Variants in CDC42BPA observed in about 807,000 individuals in gnomAD.
CDC42BPA encodes the protein serine/threonine-protein kinase MRCK alpha.
A neutral mutation model predicts 223.5 loss-of-function variants in CDC42BPA; 80 were observed. The observed-to-expected ratio is 0.36, with a 90% CI of 0.30 to 0.43. CDC42BPA has a LOEUF of 0.43. Ranked by LOEUF, CDC42BPA falls within the 20% of genes least tolerant of loss-of-function variation. The pLI, the probability that CDC42BPA is intolerant of heterozygous loss-of-function variation, is 1.00. For synonymous variants in CDC42BPA, 694 were observed against 718.6 expected (o/e 0.97, Z 0.55); for missense variants, 1,743 against 2,099.9 (o/e 0.83, Z 3.32).
intron 1 of CDC42BPA, among the ~76,000 whole-genome samples, chr1:227,281,352 G>A (rs1264613712): frequency 3.3e-5 from 5 of 151,266 alleles, no homozygotes; most frequent in Non-Finnish European, 7.4e-5. Flanking sequence ...ACATGCCAGG[G>A]AAACTCCAAA....
rs554669214 is a variant in CDC42BPA at position 227,226,884 on chromosome 1, C to T, written c.271-13665G>A. 1.4e-4 allele frequency among the ~76,000 whole-genome samples: 21 copies of T among 151,944 alleles called. 1 individual carries two copies. The South Asian group carries it at 4.4e-3, about 32-fold the overall frequency. ...AGAATTCCTGAAATCTAAGGATGAA[C>T]AGAATAGGGTTAGATGGAGAGAAAA... On this transcript the variant is annotated intron_variant, in intron 2 of 36. Transcript: ENST00000366766.
intron 2 of CDC42BPA, among the ~76,000 whole-genome samples, chr1:227,236,043 T>A (rs1294364469): frequency 1.3e-5 from 2 of 152,192 alleles, no homozygotes; most frequent in Non-Finnish European, 2.9e-5. Context: ...ATCCTCTCTG[T>A]TCTTTTCTGT....
intron 24 of CDC42BPA, among the ~76,000 whole-genome samples, chr1:227,036,257 G>A (rs1213849942): frequency 6.6e-6 from 1 of 152,054 alleles, no homozygotes; most frequent in Non-Finnish European, 1.5e-5. Context: ...CCAGCAGAGA[G>A]GCAAGATGAC....
chr1:227,142,230 A>G (rs1659809626), intron 9 of CDC42BPA, among the ~76,000 whole-genome samples: 1 of 152,228 alleles, frequency 6.6e-6, no homozygotes, highest in South Asian at 2.1e-4. Flanking sequence ...GAAATGGCAT[A>G]CAAGGAGTGA....
At chr1:227,082,000 T>C (rs1412761481) in intron 16 of CDC42BPA, among the ~76,000 whole-genome samples, 2 of 152,096 alleles carry the variant, frequency 1.3e-5, no homozygotes, top group East Asian at 1.9e-4. Flanking sequence ...TGAATCATGA[T>C]ACCAATAAGA....
At chr1:227,131,686 CTGAAAGT>C (rs1418564398) in intron 10 of CDC42BPA, among the ~76,000 whole-genome samples, 3 of 152,106 alleles carry the variant, frequency 2.0e-5, no homozygotes, top group Non-Finnish European at 4.4e-5. Flanking sequence ...AAGTTTACAT[CTGAAAGT>C]TGAGGCTTAC....
At chr1:226,996,475 T>C (rs563128265) in intron 35 of CDC42BPA, among the ~76,000 whole-genome samples, 20 of 146,020 alleles carry the variant, frequency 1.4e-4, no homozygotes, top group African/African-American at 4.4e-4. Context: ...CTTGTCTGGT[T>C]GCCCTGGCCA....
chr1:227,009,402 GAA>G (rs1395031632), intron 34 of CDC42BPA, among the ~76,000 whole-genome samples: 1 of 151,852 alleles, frequency 6.6e-6, no homozygotes, highest in East Asian at 1.9e-4. Flanking sequence ...TCTTTTATAT[GAA>G]AAGTTATTAT....
intron 16 of CDC42BPA, among the ~76,000 whole-genome samples, chr1:227,089,718 C>T: frequency 6.7e-6 from 1 of 148,450 alleles, no homozygotes; most frequent in East Asian, 2.0e-4. Flanking sequence ...TAAGTATGTC[C>T]ATTTCTCATG....
intron 1 of CDC42BPA, among the ~76,000 whole-genome samples, chr1:227,311,808 T>C (rs1693589524): frequency 6.6e-6 from 1 of 152,122 alleles, no homozygotes; most frequent in African/African-American, 2.4e-5. Flanking sequence ...ATTCTCTGTC[T>C]CCCTCTCCCT....
At chr1:227,159,729 T>G (rs537229991) in intron 6 of CDC42BPA, among the ~76,000 whole-genome samples, 1 of 152,198 alleles carries the variant, frequency 6.6e-6, no homozygotes, top group African/African-American at 2.4e-5. Flanking sequence ...TATCACTATG[T>G]TGCTTAAGCT....
At position 227,213,189 on chromosome 1, in the gene CDC42BPA, T is replaced by C; in HGVS notation, c.301A>G (p.Lys101Glu). 6.4e-7 allele frequency: 1 copy of C among 1,570,182 alleles called. No homozygotes were observed. The highest frequency in any genetic ancestry group is 8.7e-7 in the Non-Finnish European group (1 of 1,147,560). Residue 101 changes from lysine to glutamate, a missense_variant, in exon 3 of 37, where the codon AAA (lysine) becomes GAA (glutamate). Coordinates refer to ENST00000366766, the MANE Select transcript of CDC42BPA (RefSeq NM_001394014.1). ...VAVVKLKNAD[K>E]VFAMKILNKW... ...TTCAATATTTTCATGGCAAACACTTTATCTGCATTTTTTAGTTTTACTACA... is the reference window on the plus strand; with the variant it reads ...TTCAATATTTTCATGGCAAACACTTCATCTGCATTTTTTAGTTTTACTACA...
At chr1:227,024,053 G>A (rs1667830779) in intron 31 of CDC42BPA, among the ~76,000 whole-genome samples, 1 of 151,976 alleles carries the variant, frequency 6.6e-6, no homozygotes, top group African/African-American at 2.4e-5. Context: ...GAATGAATAG[G>A]TCACAAAGAA....
chr1:227,297,940 A>ATG lies in CDC42BPA; in HGVS notation c.178+19063_178+19064dup, dbSNP rs151032239. 4.9e-3 allele frequency among the ~76,000 whole-genome samples: 430 copies of ATG among 87,264 alleles called. 2 individuals are homozygous for ATG. The highest frequency in any genetic ancestry group is 0.01 in the East Asian group (36 of 3,436). 57.2% of individuals were successfully genotyped at this position (87,264 alleles called of 152,430 possible). On this transcript the variant is annotated intron_variant, in intron 1 of 36. Coordinates refer to ENST00000366766, the MANE Select transcript of CDC42BPA (RefSeq NM_001394014.1). Reference sequence around the variant, plus strand: ...GGGCTAAAATGGCAAATTTTGTTTTATGTGTGTGTGTGTGTATATATACAT... The same window carrying ATG: ...GGGCTAAAATGGCAAATTTTGTTTTATGTGTGTGTGTGTGTGTATATATACAT...
At chr1:227,197,216 T>C (rs1670903913) in intron 4 of CDC42BPA, among the ~76,000 whole-genome samples, 2 of 152,160 alleles carry the variant, frequency 1.3e-5, no homozygotes, top group Non-Finnish European at 2.9e-5. Flanking sequence ...AAAACAATTA[T>C]ATATAATAAA....
chr1:227,004,894 G>C (rs908591484), intron 35 of CDC42BPA, 100 bp downstream of exon 35: 9 of 836,520 alleles, frequency 1.1e-5, no homozygotes, highest in Non-Finnish European at 1.5e-5. Context: ...GAATGCAATG[G>C]GCACACGTAA....
intron 4 of CDC42BPA, among the ~76,000 whole-genome samples, chr1:227,196,338 C>CTTTTTTTTTTTTTTTCTTTTT (rs1553388920): frequency 3.8e-4 from 35 of 92,350 alleles, no homozygotes; most frequent in East Asian, 1.5e-3. Context: ...TTAAACAATA[C>CTTTTTTTTTTTTTTTCTTTTT]TTTTTTTTTT....
chr1:227,121,076 C>T (rs916108246), intron 11 of CDC42BPA, among the ~76,000 whole-genome samples: 2 of 152,180 alleles, frequency 1.3e-5, no homozygotes, highest in Non-Finnish European at 2.9e-5. Flanking sequence ...CCATTCACCT[C>T]CTGCTGTGCG....
rs769910477 is a variant in CDC42BPA, at chr1:227,035,504, T to C, written c.3303A>G (p.Lys1101=). 1.1e-4 allele frequency: 180 copies of C among 1,611,092 alleles called. No homozygotes were observed. Among genetic ancestry groups the C allele is most frequent in the Non-Finnish European group, 1.5e-4 (177 of 1,179,150 alleles). Residue 1101 remains lysine, a synonymous_variant, in exon 25 of 37, where the codon AAA becomes AAG. Transcript: ENST00000366766. The stretch of plus-strand genomic sequence containing the variant: ...GACCTTCATATGCTGTTCCTATTCC[T>C]TTCTGAGGATCTATACCCAGGGGAC... ...TKGPLGIDPQ[K]GIGTAYEGHV...
Sources: gnomAD v4.1 joint callset for allele counts (sites outside exome capture counted in the v4.1 genomes callset) on GRCh38, gnomAD v4.1.1 for gene constraint, MANE v1.5 for transcripts, NCBI Gene and HGNC (gene_info 2026-07-23, HGNC 2026-07-21) for gene names.